Variants in GRIK1 observed in about 807,000 individuals in gnomAD.
GRIK1 encodes the protein glutamate receptor ionotropic, kainate 1.
GRIK1 carries 69 observed loss-of-function variants against 105.7 expected under a neutral mutation model. That is an observed-to-expected ratio of 0.65 (90% CI 0.54 to 0.80). The LOEUF is 0.80. Among genes scored for constraint, GRIK1 ranks in the 30% least tolerant of loss-of-function variants. GRIK1 has a pLI of 0.00. For missense variants in GRIK1, 1,109 were observed against 1,167.3 expected (o/e 0.95, Z 0.73); for synonymous variants, 438 against 431.3 (o/e 1.02, Z -0.19).
At position 29,750,858 on chromosome 21, in the gene GRIK1, C is replaced by T. The variant is rs185371008; in HGVS notation, c.119-56795G>A. Among the ~76,000 whole-genome samples, 400 of 152,240 alleles carry T rather than the reference C, an allele frequency of 2.6e-3. 1 individual carries two copies. The highest frequency in any genetic ancestry group is 9.3e-3 in the African/African-American group (386 of 41,528). ...TTCACTCTCGTCCGTGTGAAGAGAC[C>T]ACCAAACAGGCTTTGTGTGAGCAAT... is the stretch of plus-strand genomic sequence containing the variant. On this transcript the variant is annotated intron_variant, in intron 1 of 17. Coordinates refer to ENST00000327783, the MANE Select transcript of GRIK1 (RefSeq NM_001330994.2).
At chr21:29,823,137 A>T (rs1892689298) in intron 1 of GRIK1, among the ~76,000 whole-genome samples, 1 of 152,040 alleles carries the variant, frequency 6.6e-6, no homozygotes. Flanking sequence ...GAAATAAAAT[A>T]TGCGAACATG....
At chr21:29,572,240 C>G (rs1425000955) in intron 14 of GRIK1, among the ~76,000 whole-genome samples, 1 of 152,134 alleles carries the variant, frequency 6.6e-6, no homozygotes, top group Non-Finnish European at 1.5e-5. Context: ...CGCTTTCTGA[C>G]AGCTTACCAT....
At chr21:29,606,799 TC>T (rs1410879738) in intron 7 of GRIK1, among the ~76,000 whole-genome samples, 2 of 38,788 alleles carry the variant, frequency 5.2e-5, no homozygotes, top group East Asian at 2.0e-3. Context: ...TTGTTTCTTG[TC>T]TTGTCTTGTC....
chr21:29,842,344 G>A (rs2068005868), intron 1 of GRIK1, among the ~76,000 whole-genome samples: 1 of 152,094 alleles, frequency 6.6e-6, no homozygotes, highest in Non-Finnish European at 1.5e-5. Context: ...GTTGCAAGAG[G>A]ATGCTTATGT....
At chr21:29,862,138 C>T (rs933536039) in intron 1 of GRIK1, among the ~76,000 whole-genome samples, 3 of 152,092 alleles carry the variant, frequency 2.0e-5, no homozygotes, top group Non-Finnish European at 4.4e-5. Flanking sequence ...AGGTGTGCAC[C>T]ACCAGGCCTG....
intron 1 of GRIK1, among the ~76,000 whole-genome samples, chr21:29,733,770 G>A (rs982120004): frequency 2.6e-5 from 4 of 151,966 alleles, no homozygotes; most frequent in Admixed American, 1.3e-4. Context: ...TTTACAAGGG[G>A]TAAATATTCC....
At chr21:29,571,922 T>C (rs966495385) in intron 14 of GRIK1, among the ~76,000 whole-genome samples, 1 of 152,096 alleles carries the variant, frequency 6.6e-6, no homozygotes, top group Non-Finnish European at 1.5e-5. Flanking sequence ...AGCAAATGAC[T>C]TGTGCTCCAA....
In GRIK1 at chr21:29,591,187, C is replaced by G. The variant is rs144528849; in HGVS notation, c.1290G>C (p.Thr430=). The change falls in exon 10 of 18, where the codon ACG becomes ACC. Residue 430 remains threonine (T), a synonymous_variant. Transcript: ENST00000327783. Reference sequence around the variant, plus strand: ...TGCTGGACTTGTCTTTGTTGCTGTCCGTCATGTTAAGCCCACTGTTGGAAT... The same window carrying G: ...TGCTGGACTTGTCTTTGTTGCTGTCGGTCATGTTAAGCCCACTGTTGGAAT... The part of the protein sequence containing the change: ...IWNSNSGLNM[T]DSNKDKSSNI... 5.0e-6 allele frequency: 8 copies of G among 1,610,850 alleles called. No homozygotes were observed. The South Asian group carries it at 7.7e-5, about 15-fold the overall frequency.
At chr21:29,768,006 G>T (rs562253813) in intron 1 of GRIK1, among the ~76,000 whole-genome samples, 4 of 152,182 alleles carry the variant, frequency 2.6e-5, no homozygotes, top group African/African-American at 9.6e-5. Context: ...ATTTTTAAGC[G>T]CTGGCAATGG....
chr21:29,912,090 A>T (rs893561707), intron 1 of GRIK1, among the ~76,000 whole-genome samples: 1 of 152,122 alleles, frequency 6.6e-6, no homozygotes, highest in Non-Finnish European at 1.5e-5. Context: ...GATAAAGTGG[A>T]TATGGTAAAA....
intron 1 of GRIK1, among the ~76,000 whole-genome samples, chr21:29,738,368 C>T (rs775004014): frequency 2.6e-5 from 4 of 152,234 alleles, no homozygotes; most frequent in Non-Finnish European, 5.9e-5. Context: ...AAACTACATT[C>T]AGAAGAAGCA....
At chr21:29,843,100 A>G (rs2068024761) in intron 1 of GRIK1, among the ~76,000 whole-genome samples, 1 of 152,148 alleles carries the variant, frequency 6.6e-6, no homozygotes, top group Non-Finnish European at 1.5e-5. Context: ...ATAAATATCC[A>G]CAGAACATGA....
intron 1 of GRIK1, among the ~76,000 whole-genome samples, chr21:29,866,604 T>C (rs467756): frequency 0.35 from 53,379 of 151,916 alleles, 10,834 homozygotes; most frequent in African/African-American, 0.56. Context: ...TGGGGGACTT[T>C]TGGATCTAAA....
intron 1 of GRIK1, among the ~76,000 whole-genome samples, chr21:29,750,362 A>G (rs2065160431): frequency 1.3e-5 from 2 of 152,060 alleles, no homozygotes; most frequent in Non-Finnish European, 1.5e-5. Context: ...TTCTAAAGGA[A>G]AGACAAGCCA....
At chr21:29,652,028 G>A (rs2146562013) in intron 5 of GRIK1, among the ~76,000 whole-genome samples, 1 of 152,254 alleles carries the variant, frequency 6.6e-6, no homozygotes, top group Middle Eastern at 3.4e-3. Context: ...GTCAAGAGGA[G>A]GAATTTGGCT....
chr21:29,824,887 CATAGG>C (rs1484851625), intron 1 of GRIK1, among the ~76,000 whole-genome samples: 3 of 151,980 alleles, frequency 2.0e-5, no homozygotes, highest in Non-Finnish European at 4.4e-5. Context: ...AGGTCAAAAA[CATAGG>C]ATCAGGGAGA....
intron 1 of GRIK1, among the ~76,000 whole-genome samples, chr21:29,766,176 A>G (rs2065662776): frequency 6.6e-6 from 1 of 151,984 alleles, no homozygotes; most frequent in Non-Finnish European, 1.5e-5. Context: ...ACAACTCAGT[A>G]TGTTCTTGGC....
chr21:29,939,306 C>T, intron 1 of GRIK1, 77 bp downstream of exon 1: 3 of 860,410 alleles, frequency 3.5e-6, no homozygotes, highest in Non-Finnish European at 5.6e-6. Context: ...CGCGCTGCCT[C>T]GCCCGGGACC....
rs1010832708 is a variant in GRIK1, at chr21:29,636,057, G to T, written c.1098+6769C>A. Among the ~76,000 whole-genome samples the T allele has an allele frequency of 2.6e-5, 4 of 152,148 alleles. No homozygotes were observed. In the East Asian group the frequency reaches 7.7e-4, roughly 29 times the overall value. On this transcript the variant is annotated intron_variant, in intron 7 of 17. Coordinates refer to ENST00000327783, the MANE Select transcript of GRIK1 (RefSeq NM_001330994.2). Reference sequence around the variant, plus strand: ...AAAGCACAGAGCAGCCCAGCCCAGCGAGATCTGTCCTGTTTATTTTTGAGC... The same window carrying T: ...AAAGCACAGAGCAGCCCAGCCCAGCTAGATCTGTCCTGTTTATTTTTGAGC...
Sources: allele counts gnomAD v4.1 joint callset (sites outside exome capture counted in the v4.1 genomes callset), GRCh38; gene constraint gnomAD v4.1.1; transcripts MANE v1.5; gene names NCBI Gene and HGNC (gene_info 2026-07-23, HGNC 2026-07-21).